Variants in S100A13 observed in about 807,000 individuals in gnomAD.
S100A13 encodes protein S100-A13.
Under a neutral mutation model 8.2 loss-of-function variants are expected in S100A13, and 6 were observed. The observed-to-expected ratio is 0.73, with a 90% CI of 0.40 to 1.44. The LOEUF (loss-of-function observed/expected upper bound fraction) is 1.44, where lower values mean the gene tolerates loss of function less well. S100A13 is among the 40% of genes most tolerant of loss of function. The probability of loss-of-function intolerance (pLI) is 0.02; values close to 1 mark genes in which losing one functional copy is unlikely to be tolerated. For synonymous variants in S100A13, 39 were observed against 45.9 expected, an observed-to-expected ratio of 0.85 and a Z score of 0.61; for missense variants, 114 against 113.6, an observed-to-expected ratio of 1.00 and a Z score of -0.02.
intron 2 of S100A13, among the ~76,000 whole-genome samples, chr1:153,620,893 C>A (rs1426572404): frequency 6.6e-6 from 1 of 151,926 alleles, no homozygotes; most frequent in Admixed American, 6.6e-5. Context: ...TTGTGAGACA[C>A]CCATCTCTAC....
At chr1:153,619,067 G>A (rs1332628180) in intron 2 of S100A13, 29 bp from the exon 3 acceptor site, 2 of 1,602,022 alleles carry the variant, frequency 1.2e-6, no homozygotes, top group Non-Finnish European at 1.7e-6. Context: ...GAAGGGTAGA[G>A]TTAGAAACTG....
At chr1:153,628,278 A>G, upstream of S100A13, 1 of 1,519,682 alleles carries the variant, frequency 6.6e-7, no homozygotes, top group South Asian at 1.3e-5. Flanking sequence ...TGGGAAAGAG[A>G]CAAGGGCCGC....
chr1:153,633,875 A>C (rs184813593), upstream of S100A13: 3 of 152,134 alleles, frequency 2.0e-5, no homozygotes, highest in East Asian at 5.9e-4. Context: ...GGCACGCCCC[A>C]ACAACAGGAC....
chr1:153,620,219 G>A (rs981026925), intron 2 of S100A13, among the ~76,000 whole-genome samples: 3 of 152,012 alleles, frequency 2.0e-5, no homozygotes, highest in Non-Finnish European at 4.4e-5. Context: ...CCTGGGAGGC[G>A]GAGGTTGTGG....
At chr1:153,631,768 A>G (rs1466110417), upstream of S100A13, 3 of 1,614,042 alleles carry the variant, frequency 1.9e-6, no homozygotes, top group Admixed American at 5.0e-5. Flanking sequence ...GGGGAGGTGG[A>G]CTTCCAGGAG....
intron 2 of S100A13, among the ~76,000 whole-genome samples, chr1:153,625,367 A>G (rs540093924): frequency 6.6e-6 from 1 of 152,222 alleles, no homozygotes; most frequent in Non-Finnish European, 1.5e-5. Flanking sequence ...AAGGATGTAA[A>G]ACAAACTGTC....
upstream of S100A13, chr1:153,630,806 C>T: frequency 1.8e-6 from 2 of 1,133,572 alleles, no homozygotes; most frequent in Non-Finnish European, 2.5e-6. Context: ...TGGGTTTTTC[C>T]AGGCTCCCCT....
upstream of S100A13, chr1:153,630,794 C>A: frequency 2.3e-6 from 3 of 1,282,526 alleles, no homozygotes; most frequent in African/African-American, 1.5e-5. Flanking sequence ...AGGCTTCTCT[C>A]CTGGGTTTTT....
chr1:153,632,325 G>A (rs980600134), upstream of S100A13: 3 of 149,914 alleles, frequency 2.0e-5, no homozygotes, highest in Non-Finnish European at 4.4e-5. Context: ...AGGCTGGAGG[G>A]CAGTGGCACG....
upstream of S100A13, chr1:153,632,969 A>C (rs899284200): frequency 7.2e-5 from 11 of 152,096 alleles, no homozygotes; most frequent in African/African-American, 2.7e-4. Context: ...CAGGAGTTGG[A>C]GACCAGCCTG....
Position 153,626,459 on chromosome 1 carries a change from G to T in S100A13, c.14C>A (p.Pro5Gln), listed in dbSNP as rs1667640342. 6.2e-7 allele frequency: 1 copy of T among 1,614,190 alleles called. No individual in the cohort carries two copies. Among genetic ancestry groups the T allele is most frequent in the East Asian group, 2.2e-5 (1 of 44,892 alleles). The change falls in exon 2 of 3, where the codon CCA (proline) becomes CAA (glutamine). Residue 5 changes from proline (P) to glutamine (Q), a missense_variant. Pro to Gln is a moderately conservative substitution (Grantham distance 76, BLOSUM62 -1). Transcript: ENST00000476133. ...AATGGACTCCTCTAGCTCTGTCAGT[G>T]GTTCTGCTGCCATTAGGACCCTGAG... The part of the protein sequence containing the change: MAAE[P>Q]LTELEESIET...
At chr1:153,631,553 C>G (rs1046379), upstream of S100A13, 1 of 1,613,548 alleles carries the variant, frequency 6.2e-7, no homozygotes, top group East Asian at 2.2e-5. Context: ...CCCTCAAGAC[C>G]TTTGAGGAGG....
chr1:153,619,699 C>A (rs1016341361), intron 2 of S100A13, among the ~76,000 whole-genome samples: 2 of 152,056 alleles, frequency 1.3e-5, no homozygotes, highest in African/African-American at 4.8e-5. Context: ...ACAAGCACAA[C>A]CAAAAAGTTG....
rs28633922 is a variant in S100A13 at position 153,619,722 on chromosome 1, T to C, written c.154-684A>G. ...AACCAAAAAGTTGACTGTTGAACAA[T>C]AGTTCAACATCAAACCAGAGAAGGG... On this transcript the variant is annotated intron_variant, in intron 2 of 2. Coordinates refer to ENST00000476133, the MANE Select transcript of S100A13 (RefSeq NM_001024211.2). Among the ~76,000 whole-genome samples, 1,028 of 152,238 alleles carry C rather than the reference T, an allele frequency of 6.8e-3. 9 individuals carry two copies. The highest frequency in any genetic ancestry group is 0.041 in the Middle Eastern group (12 of 294).
chr1:153,630,409 T>C, upstream of S100A13: 6 of 1,408,830 alleles, frequency 4.3e-6, no homozygotes, highest in Non-Finnish European at 5.7e-6. Flanking sequence ...CCACAGCTAT[T>C]TGAGCTGTCA....
chr1:153,626,585 A>C lies in S100A13; in HGVS notation c.-61-52T>G, dbSNP rs1047409977. On this transcript the variant is annotated intron_variant, in intron 1 of 2. Transcript: ENST00000476133. Reference sequence around the variant, plus strand: ...GGAGAGTCAGGGAGCCCCAAGATGCAGGAATGGTTCAGAAGGTCCCTGCCT... The same window carrying C: ...GGAGAGTCAGGGAGCCCCAAGATGCCGGAATGGTTCAGAAGGTCCCTGCCT... 2.6e-5 allele frequency: 29 copies of C among 1,103,116 alleles called. No homozygotes were observed. The Admixed American group carries it at 5.1e-4, about 19-fold the overall frequency. 68.3% of individuals were successfully genotyped at this position (1,103,116 alleles called of 1,614,324 possible). A position where few individuals can be genotyped will look rare whatever the true frequency, so the allele number is the denominator to read the frequency against.
chr1:153,633,883 G>T (rs900355581), upstream of S100A13: 4 of 152,230 alleles, frequency 2.6e-5, no homozygotes, highest in Non-Finnish European at 5.9e-5. Flanking sequence ...CCAACAACAG[G>T]ACCATTGGCC....
intron 2 of S100A13, 102 bp from the exon 3 acceptor site, chr1:153,619,140 CAG>C (rs1378619838): frequency 9.2e-7 from 1 of 1,091,214 alleles, no homozygotes; most frequent in Non-Finnish European, 1.3e-6. Flanking sequence ...GCCCTTCCCT[CAG>C]AGAGCAGTGG....
At chr1:153,627,969 C>A, upstream of S100A13, 2 of 1,470,504 alleles carry the variant, frequency 1.4e-6, no homozygotes, top group South Asian at 1.3e-5. Context: ...AGAGGGGGAT[C>A]CAGGTTGAGA....
Sources: allele counts gnomAD v4.1 joint callset (sites outside exome capture counted in the v4.1 genomes callset), GRCh38; gene constraint gnomAD v4.1.1; transcripts MANE v1.5; gene names NCBI Gene and HGNC (gene_info 2026-07-23, HGNC 2026-07-21).